AOAH: variants seen among roughly 807,000 people sequenced by gnomAD.
AOAH encodes acyloxyacyl hydrolase, also known as acyloxyacyl hydrolase (neutrophil).
Under a neutral mutation model 92.2 loss-of-function variants are expected in AOAH, and 64 were observed. The observed-to-expected ratio is 0.69, with a 90% CI of 0.57 to 0.86. The LOEUF (loss-of-function observed/expected upper bound fraction) is 0.86, where lower values mean the gene tolerates loss of function less well. AOAH is among the 40% of genes least tolerant of loss of function. The pLI, the probability that AOAH is intolerant of heterozygous loss-of-function variation, is 0.00. For synonymous variants in AOAH, 263 were observed against 254.5 expected, an observed-to-expected ratio of 1.03 and a Z score of -0.32; for missense variants, 656 against 694.6, an observed-to-expected ratio of 0.94 and a Z score of 0.62.
At chr7:36,619,914 C>T (rs1246913195) in intron 9 of AOAH, among the ~76,000 whole-genome samples, 1 of 152,118 alleles carries the variant, frequency 6.6e-6, no homozygotes, top group Non-Finnish European at 1.5e-5. Context: ...AACATAATAT[C>T]TTGAAGTTAG....
intron 6 of AOAH, among the ~76,000 whole-genome samples, chr7:36,626,998 T>C (rs1040567138): frequency 1.3e-5 from 2 of 152,248 alleles, no homozygotes; most frequent in African/African-American, 4.8e-5. Context: ...TGATACCTTA[T>C]GTATCCTTAG....
intron 13 of AOAH, among the ~76,000 whole-genome samples, chr7:36,561,244 G>A (rs1787241545): frequency 6.6e-6 from 1 of 152,020 alleles, no homozygotes; most frequent in East Asian, 1.9e-4. Context: ...GTTTCATCAT[G>A]TTTCCCAGGC....
chr7:36,572,152 T>C (rs1788183741), intron 13 of AOAH, among the ~76,000 whole-genome samples: 1 of 151,960 alleles, frequency 6.6e-6, no homozygotes, highest in Admixed American at 6.6e-5. Context: ...CAATAAAAAA[T>C]AAATAAAAAA....
intron 13 of AOAH, among the ~76,000 whole-genome samples, chr7:36,558,034 G>A (rs1583814950): frequency 6.6e-6 from 1 of 152,062 alleles, no homozygotes; most frequent in Admixed American, 6.6e-5. Context: ...GTGAGGAGCT[G>A]TGTTCCTTTG....
intron 11 of AOAH, among the ~76,000 whole-genome samples, chr7:36,608,565 A>T (rs1465143530): frequency 3.9e-5 from 6 of 152,256 alleles, no homozygotes; most frequent in Non-Finnish European, 7.3e-5. Context: ...ATCATTATTT[A>T]TACTTTTTAG....
chr7:36,628,711 A>G (rs1228042113), intron 6 of AOAH, among the ~76,000 whole-genome samples: 2 of 152,216 alleles, frequency 1.3e-5, no homozygotes, highest in Admixed American at 1.3e-4. Flanking sequence ...TGAAAGCATT[A>G]GACCGAATGG....
chr7:36,545,036 C>T (rs1181066422), intron 15 of AOAH, among the ~76,000 whole-genome samples: 1 of 151,990 alleles, frequency 6.6e-6, no homozygotes, highest in Non-Finnish European at 1.5e-5. Flanking sequence ...CATCCAATCC[C>T]CTTGAAGAGA....
intron 11 of AOAH, among the ~76,000 whole-genome samples, chr7:36,604,644 G>T (rs1036224948): frequency 3.9e-5 from 6 of 152,194 alleles, no homozygotes; most frequent in African/African-American, 1.4e-4. Context: ...CTTCCCTCCA[G>T]GTGACAGGTG....
chr7:36,649,240 A>G (rs1794422774), intron 4 of AOAH, among the ~76,000 whole-genome samples: 1 of 152,186 alleles, frequency 6.6e-6, no homozygotes, highest in African/African-American at 2.4e-5. Flanking sequence ...TGCTCTGGAA[A>G]GCTGGAGGGG....
At chr7:36,634,028 G>A (rs35114466) in intron 5 of AOAH, among the ~76,000 whole-genome samples, 8,645 of 152,200 alleles carry the variant, frequency 0.057, 322 homozygotes, top group East Asian at 0.12. Context: ...ATTGCCACGA[G>A]TTGGGAAGCA....
chr7:36,668,188 G>C (rs1007998151), intron 3 of AOAH, among the ~76,000 whole-genome samples: 1 of 148,416 alleles, frequency 6.7e-6, no homozygotes, highest in Non-Finnish European at 1.5e-5. Flanking sequence ...AAACATGAGA[G>C]GTTTTTGTGT....
chr7:36,566,407 T>C (rs906199509), intron 13 of AOAH, among the ~76,000 whole-genome samples: 2 of 151,598 alleles, frequency 1.3e-5, no homozygotes, highest in African/African-American at 4.9e-5. Context: ...AAGGCCACTT[T>C]TGATAATGAG....
chr7:36,514,763 T>G, intron 20 of AOAH: 1 of 574,896 alleles, frequency 1.7e-6, no homozygotes, highest in Non-Finnish European at 3.1e-6. Context: ...CCCTGACTTT[T>G]CCCCACAGGG....
chr7:36,618,673 G>T (rs767391198), intron 9 of AOAH, among the ~76,000 whole-genome samples: 1 of 152,168 alleles, frequency 6.6e-6, no homozygotes, highest in Non-Finnish European at 1.5e-5. Flanking sequence ...CAGGGTCTGG[G>T]CGGATTCTGC....
chr7:36,662,465 C>T (rs906030048), intron 3 of AOAH, among the ~76,000 whole-genome samples: 7 of 152,324 alleles, frequency 4.6e-5, no homozygotes, highest in Middle Eastern at 3.4e-3. Flanking sequence ...AGTCCATTAC[C>T]AAACTAATGT....
At chr7:36,721,812 C>G (rs1414255928) in intron 1 of AOAH, among the ~76,000 whole-genome samples, 1 of 152,204 alleles carries the variant, frequency 6.6e-6, no homozygotes, top group African/African-American at 2.4e-5. Flanking sequence ...CCCTTTGAGT[C>G]TGGGTGGAGG....
chr7:36,701,476 A>G (rs186146529), intron 1 of AOAH, among the ~76,000 whole-genome samples: 20 of 150,156 alleles, frequency 1.3e-4, no homozygotes, highest in Admixed American at 1.1e-3. Context: ...AATATTGACA[A>G]TTATATTATA....
At chr7:36,522,589 C>T (rs929363180) in intron 19 of AOAH, among the ~76,000 whole-genome samples, 6 of 152,148 alleles carry the variant, frequency 3.9e-5, no homozygotes, top group Non-Finnish European at 5.9e-5. Flanking sequence ...ATTATCTCAT[C>T]GCCACATTTG....
intron 11 of AOAH, among the ~76,000 whole-genome samples, chr7:36,602,739 GT>G (rs1583917576): frequency 2.0e-5 from 3 of 152,166 alleles, no homozygotes. Context: ...GATGTGGGTA[GT>G]TTTTCTTTTT....
Sources: allele counts gnomAD v4.1 joint callset (sites outside exome capture counted in the v4.1 genomes callset), GRCh38; gene constraint gnomAD v4.1.1; transcripts MANE v1.5; gene names NCBI Gene and HGNC (gene_info 2026-07-23, HGNC 2026-07-21).